Variants in CLVS1 observed in about 807,000 individuals in gnomAD.
CLVS1 encodes the protein clavesin-1.
Under a neutral mutation model 33.1 loss-of-function variants are expected in CLVS1, and 10 were observed. The observed-to-expected ratio is 0.30, with a 90% CI of 0.19 to 0.51. The LOEUF is 0.51. Among genes scored for constraint, CLVS1 ranks in the 20% least tolerant of loss-of-function variants. The probability of loss-of-function intolerance (pLI) is 0.97; values close to 1 mark genes in which losing one functional copy is unlikely to be tolerated. For missense variants in CLVS1, 343 were observed against 433.4 expected (o/e 0.79, Z 1.85); for synonymous variants, 163 against 166.1 (o/e 0.98, Z 0.14).
At chr8:61,280,634 G>A (rs1809650825) in intron 2 of CLVS1, among the ~76,000 whole-genome samples, 1 of 152,180 alleles carries the variant, frequency 6.6e-6, no homozygotes, top group African/African-American at 2.4e-5. Flanking sequence ...AAGTATTTTT[G>A]TAAAGAAACT....
At chr8:61,278,411 G>A (rs1809604211) in intron 2 of CLVS1, among the ~76,000 whole-genome samples, 1 of 152,102 alleles carries the variant, frequency 6.6e-6, no homozygotes, top group African/African-American at 2.4e-5. Context: ...AAATGTTTAG[G>A]CCCATCTTCC....
intron 3 of CLVS1, among the ~76,000 whole-genome samples, chr8:61,441,445 G>A (rs1465623254): frequency 6.6e-6 from 1 of 152,084 alleles, no homozygotes; most frequent in African/African-American, 2.4e-5. Context: ...ACTTGGAGGG[G>A]TCTCATTTTA....
intron 2 of CLVS1, among the ~76,000 whole-genome samples, chr8:61,239,317 A>C (rs1808643593): frequency 6.6e-6 from 1 of 152,216 alleles, no homozygotes; most frequent in African/African-American, 2.4e-5. Flanking sequence ...TGGTGGAATC[A>C]CATGTAGAAT....
At chr8:61,491,370 A>G (rs977722412) in intron 5 of CLVS1, among the ~76,000 whole-genome samples, 9 of 152,180 alleles carry the variant, frequency 5.9e-5, no homozygotes, top group African/African-American at 1.7e-4. Context: ...TGCCCAAACC[A>G]TAGCCCAGTG....
intron 2 of CLVS1, among the ~76,000 whole-genome samples, chr8:61,268,669 C>T (rs1170133611): frequency 2.2e-5 from 3 of 136,266 alleles, no homozygotes; most frequent in Admixed American, 7.6e-5. Flanking sequence ...CACATCCTCT[C>T]CAGCACCTGT....
intron 2 of CLVS1, among the ~76,000 whole-genome samples, chr8:61,234,704 C>T (rs746155677): frequency 2.2e-4 from 34 of 152,178 alleles, no homozygotes; most frequent in Non-Finnish European, 4.6e-4. Context: ...ACCCCAGGTT[C>T]AGTCCCCAGC....
chr8:61,436,637 A>T (rs1173759268), intron 3 of CLVS1, among the ~76,000 whole-genome samples: 2 of 151,998 alleles, frequency 1.3e-5, no homozygotes, highest in Non-Finnish European at 2.9e-5. Flanking sequence ...TCTGTCCTGG[A>T]TTCTTCTCAT....
At chr8:61,273,109 C>G (rs1002686267) in intron 2 of CLVS1, among the ~76,000 whole-genome samples, 2 of 150,340 alleles carry the variant, frequency 1.3e-5, no homozygotes, top group African/African-American at 4.9e-5. Flanking sequence ...GTTTTTTCCC[C>G]ATCTTTGTGG....
chr8:61,260,203 G>A (rs1809171058), intron 2 of CLVS1, among the ~76,000 whole-genome samples: 1 of 152,176 alleles, frequency 6.6e-6, no homozygotes, highest in African/African-American at 2.4e-5. Flanking sequence ...TTATTTGCAT[G>A]CCATTCAGTC....
At chr8:61,443,042 A>G (rs557167801) in intron 3 of CLVS1, among the ~76,000 whole-genome samples, 71 of 152,110 alleles carry the variant, frequency 4.7e-4, no homozygotes, top group Non-Finnish European at 9.4e-4. Flanking sequence ...TTCTTTGGTA[A>G]AATTTTCTGG....
chr8:61,249,034 A>T (rs1808878315), intron 2 of CLVS1, among the ~76,000 whole-genome samples: 1 of 152,062 alleles, frequency 6.6e-6, no homozygotes, highest in Non-Finnish European at 1.5e-5. Context: ...CACCTACGTT[A>T]GATATTTCTC....
chr8:61,309,354 G>T (rs1230043967), intron 2 of CLVS1, among the ~76,000 whole-genome samples: 2 of 152,158 alleles, frequency 1.3e-5, no homozygotes, highest in Non-Finnish European at 2.9e-5. Context: ...ACAGTCATCT[G>T]TCCTTGTGTG....
At chr8:61,178,240 G>A (rs972550334) in intron 2 of CLVS1, among the ~76,000 whole-genome samples, 1 of 152,112 alleles carries the variant, frequency 6.6e-6, no homozygotes. Flanking sequence ...GTGGAAGAAA[G>A]AATATCAGAG....
At chr8:61,184,234 G>A (rs947659843) in intron 2 of CLVS1, among the ~76,000 whole-genome samples, 10 of 152,220 alleles carry the variant, frequency 6.6e-5, no homozygotes, top group Non-Finnish European at 1.2e-4. Context: ...GGAGAGCGGG[G>A]AGTCAGGACA....
At chr8:61,348,817 G>C (rs991323222) in intron 2 of CLVS1, among the ~76,000 whole-genome samples, 8 of 152,056 alleles carry the variant, frequency 5.3e-5, no homozygotes, top group Admixed American at 2.6e-4. Context: ...CATAATGGTT[G>C]TACTAATGTA....
intron 3 of CLVS1, among the ~76,000 whole-genome samples, chr8:61,440,903 CTAA>C (rs1816515885): frequency 6.6e-6 from 1 of 152,168 alleles, no homozygotes; most frequent in Non-Finnish European, 1.5e-5. Context: ...AGTTTCTTTT[CTAA>C]TGAGTGCATT....
intron 2 of CLVS1, among the ~76,000 whole-genome samples, chr8:61,246,167 C>T (rs1585718661): frequency 2.8e-4 from 23 of 82,232 alleles, no homozygotes; most frequent in East Asian, 7.4e-4. Flanking sequence ...TCCTTCCCAA[C>T]TTTTTTTTTT....
intron 1 of CLVS1, among the ~76,000 whole-genome samples, chr8:61,126,828 C>G (rs545066544): frequency 1.3e-5 from 2 of 152,332 alleles, no homozygotes; most frequent in African/African-American, 4.8e-5. Context: ...TACACAACCT[C>G]TCTCTACATT....
chr8:61,340,217 T>A (rs1354566756), intron 2 of CLVS1, among the ~76,000 whole-genome samples: 1 of 152,220 alleles, frequency 6.6e-6, no homozygotes, highest in African/African-American at 2.4e-5. Context: ...ACTCTTAAAA[T>A]CTACTTTCTT....
Sources: gnomAD v4.1 joint callset for allele counts (sites outside exome capture counted in the v4.1 genomes callset) on GRCh38, gnomAD v4.1.1 for gene constraint, MANE v1.5 for transcripts, NCBI Gene and HGNC (gene_info 2026-07-23, HGNC 2026-07-21) for gene names.